The following ELAVL4 variants were observed in gnomAD, a reference collection of about 807,000 sequenced individuals.
ELAVL4 encodes ELAV like RNA binding protein 4.
In ELAVL4, 1 loss-of-function variant was observed where a neutral mutation model predicts 35.6. The observed-to-expected ratio is 0.03, with a 90% CI of 0.01 to 0.13. The LOEUF (loss-of-function observed/expected upper bound fraction) is 0.13, where lower values mean the gene tolerates loss of function less well. ELAVL4 is among the 10% of genes least tolerant of loss of function. The probability of loss-of-function intolerance (pLI) is 1.00; values close to 1 mark genes in which losing one functional copy is unlikely to be tolerated. For missense variants in ELAVL4, 267 were observed against 464.9 expected (o/e 0.57, Z 3.91); for synonymous variants, 156 against 171.0 (o/e 0.91, Z 0.69).
intron 1 of ELAVL4, among the ~76,000 whole-genome samples, chr1:50,056,859 G>A (rs1208693159): frequency 1.3e-5 from 2 of 151,588 alleles, no homozygotes; most frequent in African/African-American, 4.8e-5. Context: ...GTGAACCCGG[G>A]AGGCAGAGCT....
rs1057488834 is a variant in ELAVL4, at chr1:50,200,527, G to A, written c.774-324G>A. Among the ~76,000 whole-genome samples the A allele has an allele frequency of 2.0e-5, 3 of 152,180 alleles. No individual in the cohort carries two copies. In the South Asian group the frequency reaches 6.2e-4, roughly 32 times the overall value. On this transcript the variant is annotated intron_variant, in intron 6 of 6. Transcript: ENST00000371824. ...GGGTGGGGTGGAGTCGGGGTGGGGT[G>A]GAGTCAGGTTGGGGTGCGCTATGAG...
intron 2 of ELAVL4, among the ~76,000 whole-genome samples, chr1:50,155,442 A>G (rs953864673): frequency 6.6e-6 from 1 of 152,052 alleles, no homozygotes; most frequent in Non-Finnish European, 1.5e-5. Flanking sequence ...AATCATATAC[A>G]TGGAATTTTC....
At chr1:50,186,199 C>A (rs1234757325) in intron 3 of ELAVL4, among the ~76,000 whole-genome samples, 1 of 152,198 alleles carries the variant, frequency 6.6e-6, no homozygotes, top group Non-Finnish European at 1.5e-5. Context: ...CTGCATGATT[C>A]TTTCTGGCTT....
At chr1:50,062,857 T>C (rs1479436954) in intron 1 of ELAVL4, among the ~76,000 whole-genome samples, 1 of 152,142 alleles carries the variant, frequency 6.6e-6, no homozygotes, top group Admixed American at 6.5e-5. Context: ...TATGTTAAGC[T>C]GAGTTTTTAT....
intron 2 of ELAVL4, among the ~76,000 whole-genome samples, chr1:50,152,724 T>G (rs1274463112): frequency 2.0e-5 from 3 of 152,190 alleles, no homozygotes; most frequent in Non-Finnish European, 4.4e-5. Context: ...TGTATCTGTG[T>G]TTATTCCTCG....
At chr1:50,166,540 C>T (rs193297327) in intron 2 of ELAVL4, among the ~76,000 whole-genome samples, 1 of 152,198 alleles carries the variant, frequency 6.6e-6, no homozygotes, top group African/African-American at 2.4e-5. Flanking sequence ...GTTTCTGTAC[C>T]CATTTGTATT....
At chr1:50,173,239 A>T (rs1679357793) in intron 2 of ELAVL4, among the ~76,000 whole-genome samples, 1 of 152,236 alleles carries the variant, frequency 6.6e-6, no homozygotes, top group Admixed American at 6.5e-5. Flanking sequence ...TAACAGAATA[A>T]AGATGTTGCC....
At chr1:50,067,662 A>G (rs1664325166) in intron 1 of ELAVL4, among the ~76,000 whole-genome samples, 1 of 152,206 alleles carries the variant, frequency 6.6e-6, no homozygotes, top group African/African-American at 2.4e-5. Flanking sequence ...CAAAGTTTAC[A>G]TTCTAGCAGT....
chr1:50,140,442 TTGAGGTCTA>T (rs1304852462), intron 1 of ELAVL4, among the ~76,000 whole-genome samples: 1 of 152,244 alleles, frequency 6.6e-6, no homozygotes, highest in Non-Finnish European at 1.5e-5. Flanking sequence ...TGTCCTGTCT[TTGAGGTCTA>T]TCATGTAACC....
intron 1 of ELAVL4, among the ~76,000 whole-genome samples, chr1:50,085,668 A>G (rs1181342173): frequency 6.6e-6 from 1 of 152,250 alleles, no homozygotes; most frequent in Non-Finnish European, 1.5e-5. Context: ...GACCTGTCCA[A>G]ATGCCATTTC....
In ELAVL4 at chr1:50,203,568, T is replaced by A. The variant is rs1644473155; in HGVS notation, c.*2390T>A. The A allele has an allele frequency of 6.6e-6, 1 of 151,802 alleles. No homozygotes were observed. The highest frequency in any genetic ancestry group is 1.9e-4 in the East Asian group (1 of 5,182). The allele number at this position is 151,802 out of a possible 1,614,324, so 9.4% of individuals were successfully genotyped here. On this transcript the variant is annotated 3_prime_UTR_variant, in exon 7 of 7. Transcript: ENST00000371824. ...AAAATCTTCTCTATAATGTGTTCAA[T>A]CTTGGGGGAAAAAAAAAGGAAAAAA...
upstream of ELAVL4, among the ~76,000 whole-genome samples, chr1:50,107,662 A>G (rs1227950166): frequency 6.6e-6 from 1 of 152,230 alleles, no homozygotes; most frequent in African/African-American, 2.4e-5. Context: ...TAAAGATTAC[A>G]TTGAATTTTG....
intron 1 of ELAVL4, among the ~76,000 whole-genome samples, chr1:50,095,014 G>A (rs1189915196): frequency 6.6e-6 from 1 of 152,160 alleles, no homozygotes; most frequent in African/African-American, 2.4e-5. Flanking sequence ...TGTGAGAGGA[G>A]TAAGCACTGT....
chr1:50,090,165 A>G (rs566767987), intron 1 of ELAVL4, among the ~76,000 whole-genome samples: 8 of 152,326 alleles, frequency 5.3e-5, no homozygotes, highest in African/African-American at 1.4e-4. Flanking sequence ...ATGTATGACA[A>G]CTGAGTCTCT....
intron 2 of ELAVL4, among the ~76,000 whole-genome samples, chr1:50,153,923 A>G (rs1675255414): frequency 6.6e-6 from 1 of 152,246 alleles, no homozygotes; most frequent in South Asian, 2.1e-4. Flanking sequence ...CCAGAAAAAG[A>G]GCCTTCACTA....
chr1:50,124,871 G>T (rs1669633533), intron 1 of ELAVL4, among the ~76,000 whole-genome samples: 1 of 152,052 alleles, frequency 6.6e-6, no homozygotes, highest in Non-Finnish European at 1.5e-5. Flanking sequence ...GAATATTAAG[G>T]ATTTAAAACA....
intron 1 of ELAVL4, 71 bp downstream of exon 1, chr1:50,109,269 A>G: frequency 1.3e-6 from 2 of 1,506,954 alleles, no homozygotes; most frequent in Admixed American, 1.8e-5. Context: ...CACCTTGACC[A>G]GTCTTATGCT....
At chr1:50,070,740 C>CAAAAA (rs34633476) in intron 1 of ELAVL4, among the ~76,000 whole-genome samples, 4 of 77,122 alleles carry the variant, frequency 5.2e-5, no homozygotes, top group African/African-American at 9.5e-5. Flanking sequence ...GACTCCATCT[C>CAAAAA]AAAAAAAAAA....
chr1:50,066,190 T>C (rs981360429), intron 1 of ELAVL4, among the ~76,000 whole-genome samples: 2 of 152,216 alleles, frequency 1.3e-5, no homozygotes, highest in Non-Finnish European at 2.9e-5. Context: ...AACAAATCGT[T>C]GTATCATGTT....
Sources: allele counts gnomAD v4.1 joint callset (sites outside exome capture counted in the v4.1 genomes callset), GRCh38; gene constraint gnomAD v4.1.1; transcripts MANE v1.5; gene names NCBI Gene and HGNC (gene_info 2026-07-23, HGNC 2026-07-21).